The following GABRB1 variants were observed in gnomAD, a reference collection of about 807,000 sequenced individuals.
GABRB1 encodes gamma-aminobutyric acid type A receptor subunit beta1.
GABRB1 carries 17 observed loss-of-function variants against 51.6 expected under a neutral mutation model. That is an observed-to-expected ratio of 0.33 (90% CI 0.23 to 0.49). The LOEUF is 0.49. GABRB1 is among the 20% of genes least tolerant of loss of function. The pLI is 0.99. For missense variants in GABRB1, 410 were observed against 600.6 expected, an observed-to-expected ratio of 0.68 and a Z score of 3.32; for synonymous variants, 247 against 218.9, an observed-to-expected ratio of 1.13 and a Z score of -1.14.
At chr4:47,096,003 C>G (rs1250734807) in intron 3 of GABRB1, among the ~76,000 whole-genome samples, 1 of 152,190 alleles carries the variant, frequency 6.6e-6, no homozygotes, top group Non-Finnish European at 1.5e-5. Context: ...TTGATCCCAT[C>G]TTCCTTCTAT....
intron 5 of GABRB1, among the ~76,000 whole-genome samples, chr4:47,398,712 G>C (rs1218744920): frequency 6.6e-6 from 1 of 152,196 alleles, no homozygotes; most frequent in Non-Finnish European, 1.5e-5. Context: ...AGCCTCGCGA[G>C]TAGCTGGGAC....
At chr4:47,380,489 GA>G (rs1727557065) in intron 5 of GABRB1, among the ~76,000 whole-genome samples, 1 of 152,138 alleles carries the variant, frequency 6.6e-6, no homozygotes, top group Non-Finnish European at 1.5e-5. Flanking sequence ...TTCATGCTCA[GA>G]GTCCTTTAAT....
intron 3 of GABRB1, among the ~76,000 whole-genome samples, chr4:47,038,833 G>T (rs1725707249): frequency 6.6e-6 from 1 of 152,096 alleles, no homozygotes; most frequent in South Asian, 2.1e-4. Context: ...TTCAGTGAGG[G>T]GGCTCAAATG....
intron 3 of GABRB1, among the ~76,000 whole-genome samples, chr4:47,135,864 A>G (rs6447534): frequency 0.9 from 137,002 of 152,124 alleles, 61,775 homozygotes; most frequent in South Asian, 0.93. Flanking sequence ...ATTCCCTATG[A>G]TATTGAACAC....
intron 4 of GABRB1, among the ~76,000 whole-genome samples, chr4:47,177,567 G>A (rs1577976201): frequency 6.6e-6 from 1 of 152,142 alleles, no homozygotes; most frequent in African/African-American, 2.4e-5. Flanking sequence ...AAATTTTGCT[G>A]CATAACTATT....
chr4:47,056,788 A>G lies in GABRB1; in HGVS notation c.240+24304A>G, dbSNP rs556953120. Among the ~76,000 whole-genome samples the G allele has an allele frequency of 5.9e-5, 9 of 152,298 alleles. No homozygotes were observed. In the East Asian group the frequency reaches 1.7e-3, roughly 29 times the overall value. Reference sequence around the variant, plus strand: ...AGAAATGAGCGAAAGAGACAGAAAGAGATCGTTATTGAGAAATCATCTATA... The same window carrying G: ...AGAAATGAGCGAAAGAGACAGAAAGGGATCGTTATTGAGAAATCATCTATA... On this transcript the variant is annotated intron_variant, in intron 3 of 8. Transcript: ENST00000295454.
chr4:47,374,370 CAGAG>C (rs1273667511), intron 5 of GABRB1, among the ~76,000 whole-genome samples: 2 of 152,156 alleles, frequency 1.3e-5, no homozygotes, highest in Non-Finnish European at 2.9e-5. Context: ...GCCTGGGCAA[CAGAG>C]AGAGACCCTG....
At chr4:47,078,488 A>T (rs1727671174) in intron 3 of GABRB1, among the ~76,000 whole-genome samples, 1 of 152,164 alleles carries the variant, frequency 6.6e-6, no homozygotes, top group Admixed American at 6.5e-5. Flanking sequence ...AATTATTTCT[A>T]AAACATCATC....
At chr4:47,333,742 T>C (rs548635838) in intron 5 of GABRB1, among the ~76,000 whole-genome samples, 101 of 151,660 alleles carry the variant, frequency 6.7e-4, no homozygotes, top group Non-Finnish European at 1.3e-3. Flanking sequence ...AAAGAATAGC[T>C]TGTCAAACAG....
chr4:47,035,806 T>C (rs1725529297), intron 3 of GABRB1, among the ~76,000 whole-genome samples: 1 of 152,190 alleles, frequency 6.6e-6, no homozygotes, highest in African/African-American at 2.4e-5. Flanking sequence ...AGGCAAATTT[T>C]CTCTTCGAAC....
intron 3 of GABRB1, among the ~76,000 whole-genome samples, chr4:47,054,294 A>G (rs763418488): frequency 2.6e-5 from 4 of 152,162 alleles, no homozygotes; most frequent in Admixed American, 6.5e-5. Flanking sequence ...GAGTCTAGGT[A>G]CTTCAGTGGA....
chr4:47,161,565 TAG>T, intron 4 of GABRB1, 96 bp downstream of exon 4: 1 of 871,884 alleles, frequency 1.1e-6, no homozygotes, highest in Non-Finnish European at 1.8e-6. Flanking sequence ...CAAGAATATA[TAG>T]ATGAATATAT....
At chr4:47,303,082 A>C (rs922482390) in intron 4 of GABRB1, among the ~76,000 whole-genome samples, 1 of 151,898 alleles carries the variant, frequency 6.6e-6, no homozygotes, top group African/African-American at 2.4e-5. Flanking sequence ...GGTGGTAGGA[A>C]AGGGAAGATG....
chr4:47,137,500 T>A (rs1444308590), intron 3 of GABRB1, among the ~76,000 whole-genome samples: 1 of 152,128 alleles, frequency 6.6e-6, no homozygotes, highest in Non-Finnish European at 1.5e-5. Flanking sequence ...CTAATACAGA[T>A]GTTCATGTCC....
intron 5 of GABRB1, among the ~76,000 whole-genome samples, chr4:47,384,087 C>T (rs1336692725): frequency 1.3e-5 from 2 of 151,810 alleles, no homozygotes; most frequent in South Asian, 4.1e-4. Context: ...ATTTCTAGAA[C>T]GTAAAAATAA....
At chr4:46,999,746 T>A (rs1233507454) in intron 1 of GABRB1, among the ~76,000 whole-genome samples, 1 of 152,136 alleles carries the variant, frequency 6.6e-6, no homozygotes, top group East Asian at 1.9e-4. Context: ...ATAACAAAAC[T>A]AGCTAAAATG....
intron 4 of GABRB1, among the ~76,000 whole-genome samples, chr4:47,309,618 G>C (rs865832441): frequency 6.6e-6 from 1 of 151,734 alleles, no homozygotes; most frequent in South Asian, 2.1e-4. Flanking sequence ...TAAGTCACAG[G>C]GTATAGTATC....
chr4:47,061,081 A>C (rs1408491799), intron 3 of GABRB1, among the ~76,000 whole-genome samples: 2 of 152,234 alleles, frequency 1.3e-5, no homozygotes, highest in Admixed American at 6.5e-5. Flanking sequence ...TTTTGCTAGG[A>C]AAATAATAAT....
At chr4:47,206,822 C>A (rs1720142385) in intron 4 of GABRB1, among the ~76,000 whole-genome samples, 1 of 150,960 alleles carries the variant, frequency 6.6e-6, no homozygotes, top group Admixed American at 6.6e-5. Context: ...CTAATAAATA[C>A]AATATATTAA....
Sources: allele counts gnomAD v4.1 joint callset (sites outside exome capture counted in the v4.1 genomes callset), GRCh38; gene constraint gnomAD v4.1.1; transcripts MANE v1.5; gene names NCBI Gene and HGNC (gene_info 2026-07-23, HGNC 2026-07-21).